PPFIA2: variants seen among roughly 807,000 people sequenced by gnomAD.
The protein encoded by PPFIA2 is PPFI scaffold protein A2, also known as liprin-alpha-2.
A neutral mutation model predicts 175.5 loss-of-function variants in PPFIA2; 46 were observed. That is an observed-to-expected ratio of 0.26 (90% CI 0.21 to 0.34). The LOEUF (loss-of-function observed/expected upper bound fraction) is 0.34. Ranked by LOEUF, PPFIA2 falls within the 10% of genes least tolerant of loss-of-function variation. The probability of loss-of-function intolerance (pLI) is 1.00; values close to 1 mark genes in which losing one functional copy is unlikely to be tolerated. For synonymous variants in PPFIA2, 568 were observed against 511.4 expected (o/e 1.11, Z -1.49); for missense variants, 1,179 against 1,506.1 (o/e 0.78, Z 3.60).
chr12:81,612,943 C>G (rs2061078166), intron 4 of PPFIA2, among the ~76,000 whole-genome samples: 2 of 152,086 alleles, frequency 1.3e-5, no homozygotes, highest in Admixed American at 6.5e-5. Context: ...AAATTTTTCA[C>G]AAATTTTTAC....
intron 4 of PPFIA2, among the ~76,000 whole-genome samples, chr12:81,585,056 AATT>A (rs2075108496): frequency 8.3e-6 from 1 of 120,730 alleles, no homozygotes; most frequent in Non-Finnish European, 1.6e-5. Flanking sequence ...TATATTATAT[AATT>A]ATATAATATA....
At chr12:81,438,428 C>A (rs1379070130) in intron 7 of PPFIA2, among the ~76,000 whole-genome samples, 1 of 152,098 alleles carries the variant, frequency 6.6e-6, no homozygotes, top group Non-Finnish European at 1.5e-5. Flanking sequence ...GCCAAGATTG[C>A]ACCACTGCAC....
rs996699928 is a variant in PPFIA2 at position 81,424,254 on chromosome 12, A to C, written c.645+15718T>G. On this transcript the variant is annotated intron_variant, in intron 7 of 32. Transcript: ENST00000549396. ...ACTTGGGAAAAATAGATATCTTTAC[A>C]ATATCTAGCTCCAGACACAAAAATG... 3.9e-5 allele frequency among the ~76,000 whole-genome samples: 6 copies of C among 152,192 alleles called. No homozygotes were observed. In the East Asian group the frequency reaches 1.2e-3, roughly 29 times the overall value.
chr12:81,712,383 A>C (rs1472433322), intron 3 of PPFIA2, among the ~76,000 whole-genome samples: 1 of 151,380 alleles, frequency 6.6e-6, no homozygotes, highest in Non-Finnish European at 1.5e-5. Context: ...GAACCTCACA[A>C]AGAATATTTT....
At chr12:81,689,560 G>C (rs2074965453) in intron 3 of PPFIA2, among the ~76,000 whole-genome samples, 1 of 152,040 alleles carries the variant, frequency 6.6e-6, no homozygotes, top group African/African-American at 2.4e-5. Flanking sequence ...GAGTTGTAGA[G>C]CACAGCATAG....
At chr12:81,547,844 T>C (rs1230087414) in intron 4 of PPFIA2, among the ~76,000 whole-genome samples, 1 of 152,164 alleles carries the variant, frequency 6.6e-6, no homozygotes, top group African/African-American at 2.4e-5. Context: ...AGAACACTAA[T>C]GTGGTTTTCT....
At chr12:81,460,507 G>T (rs891967511) in intron 4 of PPFIA2, among the ~76,000 whole-genome samples, 3 of 152,034 alleles carry the variant, frequency 2.0e-5, no homozygotes, top group African/African-American at 7.2e-5. Flanking sequence ...AGAGTGTGGG[G>T]AACTAGAAGG....
intron 4 of PPFIA2, among the ~76,000 whole-genome samples, chr12:81,464,276 T>C (rs1011320306): frequency 6.6e-6 from 1 of 152,180 alleles, no homozygotes; most frequent in Non-Finnish European, 1.5e-5. Flanking sequence ...TACATTGTTA[T>C]GAACTTTACC....
chr12:81,718,870 T>C (rs1194391925), intron 3 of PPFIA2, among the ~76,000 whole-genome samples: 1 of 151,578 alleles, frequency 6.6e-6, no homozygotes, highest in African/African-American at 2.4e-5. Context: ...GCATTTATTC[T>C]AGCTGTAATT....
rs1567686820 is a variant in PPFIA2, at chr12:81,642,696, AC to A, written c.303+34094del. ...ACATGTATGTATCTATTATATACAT[AC>A]ATGTATATGTATGTATGTATTATAT... On this transcript the variant is annotated intron_variant, in intron 4 of 32. Transcript: ENST00000549396. Among the ~76,000 whole-genome samples the A allele has an allele frequency of 2.0e-3, 109 of 54,032 alleles. 33 individuals carry two copies. Among genetic ancestry groups the A allele is most frequent in the Non-Finnish European group, 3.8e-3 (79 of 20,796 alleles). The allele number at this position is 54,032 out of a possible 152,430, so 35.4% of individuals were successfully genotyped here.
At chr12:81,626,591 G>C (rs1383761649) in intron 4 of PPFIA2, among the ~76,000 whole-genome samples, 2 of 152,086 alleles carry the variant, frequency 1.3e-5, no homozygotes, top group Non-Finnish European at 2.9e-5. Context: ...TGCAAACAAT[G>C]ACAAAATTAA....
At chr12:81,759,214 C>A (rs1254882841) in intron 1 of PPFIA2, 66 bp downstream of exon 1, 1 of 149,018 alleles carries the variant, frequency 6.7e-6, no homozygotes, top group Non-Finnish European at 1.5e-5. Context: ...GCACACACAC[C>A]CATTTTTCTC....
At chr12:81,478,261 T>G (rs2057739272) in intron 4 of PPFIA2, among the ~76,000 whole-genome samples, 1 of 152,164 alleles carries the variant, frequency 6.6e-6, no homozygotes, top group Non-Finnish European at 1.5e-5. Context: ...TGATATCTCC[T>G]TTATCATTTT....
At chr12:81,310,952 A>G (rs1428928985) in intron 22 of PPFIA2, among the ~76,000 whole-genome samples, 1 of 152,206 alleles carries the variant, frequency 6.6e-6, no homozygotes, top group Non-Finnish European at 1.5e-5. Flanking sequence ...CCAACTAGTA[A>G]TATGTTTAAT....
intron 11 of PPFIA2, among the ~76,000 whole-genome samples, chr12:81,373,869 T>C (rs1292698338): frequency 6.6e-6 from 1 of 152,048 alleles, no homozygotes; most frequent in African/African-American, 2.4e-5. Context: ...TGTATAAAAA[T>C]ATAAATTGTG....
intron 24 of PPFIA2, among the ~76,000 whole-genome samples, chr12:81,292,115 G>A (rs538994572): frequency 6.6e-6 from 1 of 152,056 alleles, no homozygotes; most frequent in East Asian, 1.9e-4. Flanking sequence ...ATAATAAAAT[G>A]TATCATATTT....
chr12:81,418,497 A>C (rs536659440), intron 7 of PPFIA2, among the ~76,000 whole-genome samples: 21 of 152,112 alleles, frequency 1.4e-4, no homozygotes, highest in Admixed American at 3.3e-4. Flanking sequence ...AATTATAAGA[A>C]ATTCACTTTC....
intron 7 of PPFIA2, among the ~76,000 whole-genome samples, chr12:81,408,427 A>G (rs1341771792): frequency 6.6e-6 from 1 of 152,194 alleles, no homozygotes; most frequent in Non-Finnish European, 1.5e-5. Context: ...TCTACTCAGA[A>G]GTGAAGGGAG....
chr12:81,633,057 C>T (rs2063577250), intron 4 of PPFIA2, among the ~76,000 whole-genome samples: 1 of 152,044 alleles, frequency 6.6e-6, no homozygotes, highest in African/African-American at 2.4e-5. Context: ...TATTCATGCC[C>T]ACCCTTTTGA....
Sources: allele counts gnomAD v4.1 joint callset (sites outside exome capture counted in the v4.1 genomes callset), GRCh38; gene constraint gnomAD v4.1.1; transcripts MANE v1.5; gene names NCBI Gene and HGNC (gene_info 2026-07-23, HGNC 2026-07-21).